NAMPT: variants seen among roughly 807,000 people sequenced by gnomAD.
NAMPT encodes NAmPRTase.
NAMPT carries 7 observed loss-of-function variants against 58.7 expected under a neutral mutation model. The ratio of observed to expected loss-of-function variants is 0.12; its 90% CI spans 0.07 to 0.22. NAMPT has a LOEUF of 0.22. Among genes scored for constraint, NAMPT ranks in the 10% least tolerant of loss-of-function variants. NAMPT has a pLI of 1.00. For missense variants in NAMPT, 271 were observed against 567.9 expected, an observed-to-expected ratio of 0.48 and a Z score of 5.31; for synonymous variants, 145 against 198.1, an observed-to-expected ratio of 0.73 and a Z score of 2.25.
Position 106,251,026 on chromosome 7 carries a change from A to G in NAMPT, c.*57T>C. On this transcript the variant is annotated 3_prime_UTR_variant, in exon 11 of 11. Transcript: ENST00000222553. ...GTATCATAAAACACAAACCCCACAC[A>G]TCTGTACAATAAACATTATGTATTA... 1.5e-6 allele frequency: 2 copies of G among 1,293,612 alleles called. No homozygotes were observed. The highest frequency in any genetic ancestry group is 2.2e-6 in the Non-Finnish European group (2 of 891,220). 80.1% of individuals were successfully genotyped at this position (1,293,612 alleles called of 1,614,324 possible).
At chr7:106,285,428 G>C, upstream of NAMPT, 1 of 616,168 alleles carries the variant, frequency 1.6e-6, no homozygotes, top group South Asian at 6.8e-5. Flanking sequence ...GGGACCTTCC[G>C]TCCTACCCAG....
chr7:106,284,738 A>AACCCCCCCC, intron 1 of NAMPT, 90 bp downstream of exon 1: 6 of 486,000 alleles, frequency 1.2e-5, no homozygotes, highest in Non-Finnish European at 1.4e-5. Context: ...CCCAGCCCCA[A>AACCCCCCCC]CCCCAGCCCC....
At chr7:106,268,822 ATT>A (rs1792476792) in intron 5 of NAMPT, among the ~76,000 whole-genome samples, 1 of 152,170 alleles carries the variant, frequency 6.6e-6, no homozygotes, top group Non-Finnish European at 1.5e-5. Flanking sequence ...AAAGAGACCT[ATT>A]TAACAGTGTC....
rs1024140642 is a variant in NAMPT at position 106,250,843 on chromosome 7, A to G, written c.*240T>C. ...TGTGAAAAGATCAATACCAGATTGA[A>G]TGACTACCTATTGGCAAAGGGCCCT... On this transcript the variant is annotated 3_prime_UTR_variant, in exon 11 of 11. Coordinates refer to ENST00000222553, the MANE Select transcript of NAMPT (RefSeq NM_005746.3). The G allele has an allele frequency of 4.2e-6, 2 of 472,034 alleles. No individual in the cohort carries two copies. The highest frequency in any genetic ancestry group is 4.1e-5 in the African/African-American group (2 of 48,996). 29.2% of individuals were successfully genotyped at this position (472,034 alleles called of 1,614,324 possible).
intron 6 of NAMPT, among the ~76,000 whole-genome samples, chr7:106,264,029 C>T (rs1003412025): frequency 6.6e-6 from 1 of 152,056 alleles, no homozygotes; most frequent in Non-Finnish European, 1.5e-5. Flanking sequence ...ATGAGAGCAC[C>T]TGGCTCCCTT....
intron 4 of NAMPT, 148 bp downstream of exon 4, chr7:106,272,381 AT>A: frequency 1.6e-6 from 1 of 623,652 alleles, no homozygotes; most frequent in Non-Finnish European, 2.6e-6. Context: ...TTAGTCTGTC[AT>A]TTTATAGATG....
intron 6 of NAMPT, among the ~76,000 whole-genome samples, chr7:106,268,079 G>A (rs1180456905): frequency 6.6e-6 from 1 of 151,676 alleles, no homozygotes; most frequent in Non-Finnish European, 1.5e-5. Flanking sequence ...CAATTTCTAG[G>A]GCAAATATAG....
Position 106,274,988 on chromosome 7 carries a change from T to C in NAMPT, c.276A>G (p.Gln92=), listed in dbSNP as rs199902643. The C allele has an allele frequency of 6.4e-5, 104 of 1,612,450 alleles. 2 individuals carry two copies. The East Asian group carries it at 1.3e-3, about 20-fold the overall frequency. The stretch of plus-strand genomic sequence containing the variant: ...ATCCCTTTTCATTAAAGACATCATC[T>C]TGGAAATGTTCTTTGTAGACATCTT... ...EAKDVYKEHF[Q]DDVFNEKGWN... Residue 92 remains glutamine, a synonymous_variant, in exon 3 of 11, where the codon CAA becomes CAG. Transcript: ENST00000222553.
intron 8 of NAMPT, among the ~76,000 whole-genome samples, chr7:106,260,479 A>G (rs531655815): frequency 7.7e-4 from 118 of 152,310 alleles, no homozygotes; most frequent in African/African-American, 2.7e-3. Flanking sequence ...GACCATTCAA[A>G]CTTTCTCCCT....
upstream of NAMPT, chr7:106,285,517 C>T (rs1350587041): frequency 5.1e-6 from 5 of 985,396 alleles, no homozygotes; most frequent in African/African-American, 1.7e-5. Flanking sequence ...CCCATCTTCC[C>T]GTCCACCACG....
chr7:106,264,306 G>T (rs1375719053), intron 6 of NAMPT, among the ~76,000 whole-genome samples: 1 of 152,050 alleles, frequency 6.6e-6, no homozygotes, highest in South Asian at 2.1e-4. Context: ...AATAAAGTAT[G>T]AGAGTTTCTA....
chr7:106,252,323 A>G (rs971001378), intron 10 of NAMPT, among the ~76,000 whole-genome samples: 2 of 152,098 alleles, frequency 1.3e-5, no homozygotes, highest in African/African-American at 4.8e-5. Flanking sequence ...TGATTTACAA[A>G]CATATTTTTT....
chr7:106,261,764 A>G lies in NAMPT; in HGVS notation c.970-57T>C. ...AACTAAAGCTGAAAACAAGTATAAG[A>G]GCTTTTCAAAGTTAAATGATTTTGC... On this transcript the variant is annotated intron_variant, in intron 7 of 10. Coordinates refer to ENST00000222553, the MANE Select transcript of NAMPT (RefSeq NM_005746.3). The G allele has an allele frequency of 2.0e-6, 3 of 1,514,498 alleles. No individual in the cohort carries two copies. The South Asian group carries it at 3.5e-5, about 18-fold the overall frequency. 93.8% of individuals were successfully genotyped at this position (1,514,498 alleles called of 1,614,324 possible).
rs187154837 is a variant in NAMPT, at chr7:106,260,782, T to A, written c.1089+806A>T. Among the ~76,000 whole-genome samples, 286 of 152,268 alleles carry A rather than the reference T, an allele frequency of 1.9e-3. 1 individual carries two copies. The highest frequency in any genetic ancestry group is 3.3e-3 in the Admixed American group (50 of 15,294). On this transcript the variant is annotated intron_variant, in intron 8 of 10. Coordinates refer to ENST00000222553, the MANE Select transcript of NAMPT (RefSeq NM_005746.3). ...TCTCAGGGCATAGGGAAACTTGAAG[T>A]GAGCAGAGAAAGGGAATGGGTAACT...
intron 4 of NAMPT, 31 bp from the exon 5 acceptor site, chr7:106,269,343 A>G: frequency 6.3e-7 from 1 of 1,595,536 alleles, no homozygotes; most frequent in Non-Finnish European, 8.6e-7. Context: ...ACAAATATTA[A>G]GACATAAAAT....
intron 8 of NAMPT, among the ~76,000 whole-genome samples, chr7:106,255,625 T>C (rs950704954): frequency 1.3e-5 from 2 of 152,212 alleles, no homozygotes; most frequent in Non-Finnish European, 2.9e-5. Flanking sequence ...ACCATCTAAT[T>C]TGAATCAAGA....
At chr7:106,270,061 T>C (rs1792502193) in intron 4 of NAMPT, among the ~76,000 whole-genome samples, 1 of 152,244 alleles carries the variant, frequency 6.6e-6, no homozygotes, top group South Asian at 2.1e-4. Flanking sequence ...ATTCAGTGAC[T>C]ATTAAGTTCC....
upstream of NAMPT, chr7:106,285,433 A>G: frequency 1.5e-6 from 1 of 649,116 alleles, no homozygotes; most frequent in South Asian, 6.6e-5. Flanking sequence ...CTTCCGTCCT[A>G]CCCAGTCCTG....
At chr7:106,262,708 T>C (rs1792329052) in intron 7 of NAMPT, among the ~76,000 whole-genome samples, 1 of 152,154 alleles carries the variant, frequency 6.6e-6, no homozygotes, top group Non-Finnish European at 1.5e-5. Flanking sequence ...TTGTGTGACC[T>C]TGAGCAAGTT....
Sources: allele counts gnomAD v4.1 joint callset (sites outside exome capture counted in the v4.1 genomes callset), GRCh38; gene constraint gnomAD v4.1.1; transcripts MANE v1.5; gene names NCBI Gene and HGNC (gene_info 2026-07-23, HGNC 2026-07-21).